LGSN: variants seen among roughly 807,000 people sequenced by gnomAD.
LGSN encodes lengsin.
In LGSN, 21 loss-of-function variants were observed where a neutral mutation model predicts 19.5. The ratio of observed to expected loss-of-function variants is 1.07; its 90% CI spans 0.76 to 1.55. The LOEUF (loss-of-function observed/expected upper bound fraction) is 1.55, where lower values mean the gene tolerates loss of function less well. LGSN is among the 40% of genes most tolerant of loss of function. LGSN has a pLI of 0.00. For synonymous variants in LGSN, 257 were observed against 215.6 expected (o/e 1.19, Z -1.68); for missense variants, 673 against 608.5 (o/e 1.11, Z -1.12).
At chr6:63,519,102 G>C in the LGSN span, among the ~76,000 whole-genome samples, 3 of 152,196 alleles carry the variant, frequency 2.0e-5, no homozygotes, top group Non-Finnish European at 4.4e-5. Flanking sequence ...ATCGCCTGAA[G>C]TTCAAGACCA....
At chr6:63,418,873 G>C in the LGSN span, among the ~76,000 whole-genome samples, 1 of 152,110 alleles carries the variant, frequency 6.6e-6, no homozygotes, top group African/African-American at 2.4e-5. Flanking sequence ...AAAAAGCTGT[G>C]CCCCACCCCC....
At chr6:63,489,351 G>T in the LGSN span, among the ~76,000 whole-genome samples, 1 of 152,212 alleles carries the variant, frequency 6.6e-6, no homozygotes, top group South Asian at 2.1e-4. Context: ...AAAGCTACTT[G>T]TCTGTATTTT....
At chr6:63,358,875 T>C in the LGSN span, among the ~76,000 whole-genome samples, 3 of 152,170 alleles carry the variant, frequency 2.0e-5, no homozygotes, top group African/African-American at 7.2e-5. Flanking sequence ...CTATGTTGAA[T>C]AGGAGTAGTG....
At chr6:63,368,051 T>C in the LGSN span, among the ~76,000 whole-genome samples, 1 of 149,902 alleles carries the variant, frequency 6.7e-6, no homozygotes, top group African/African-American at 2.5e-5. Context: ...GTAATAAACC[T>C]GCACATTGTG....
the LGSN span, among the ~76,000 whole-genome samples, chr6:63,344,210 A>T: frequency 1.3e-5 from 2 of 152,230 alleles, no homozygotes; most frequent in South Asian, 2.1e-4. Flanking sequence ...CTTGTTACAC[A>T]GTAGTAGAAA....
chr6:63,456,651 C>T, the LGSN span, among the ~76,000 whole-genome samples: 1 of 152,046 alleles, frequency 6.6e-6, no homozygotes, highest in Non-Finnish European at 1.5e-5. Context: ...ATAGAGCCTC[C>T]TCATTCTGCA....
At chr6:63,393,489 T>C in the LGSN span, among the ~76,000 whole-genome samples, 1 of 152,158 alleles carries the variant, frequency 6.6e-6, no homozygotes, top group Non-Finnish European at 1.5e-5. Context: ...CATCTTCCCT[T>C]CTTCTGTACA....
chr6:63,329,216 T>G, the LGSN span, among the ~76,000 whole-genome samples: 1 of 152,142 alleles, frequency 6.6e-6, no homozygotes, highest in African/African-American at 2.4e-5. Context: ...ACCAAACAGA[T>G]GAGGGCTATC....
At chr6:63,343,899 A>C in the LGSN span, among the ~76,000 whole-genome samples, 3 of 152,176 alleles carry the variant, frequency 2.0e-5, no homozygotes, top group African/African-American at 7.2e-5. Flanking sequence ...TGCTGGCTTG[A>C]AGACAGAGGA....
intron 2 of LGSN, 137 bp from the exon 3 acceptor site, chr6:63,285,890 G>C: frequency 1.5e-6 from 1 of 673,392 alleles, no homozygotes. Flanking sequence ...CTTAGAGTTG[G>C]ATATCTTACC....
In LGSN at chr6:63,301,355, T is replaced by C. The variant is rs373885434; in HGVS notation, c.31-6310A>G. Among the ~76,000 whole-genome samples the C allele has an allele frequency of 9.2e-5, 14 of 152,254 alleles. 2 individuals carry two copies. Among genetic ancestry groups the C allele is most frequent in the Admixed American group, 5.9e-4 (9 of 15,288 alleles). On this transcript the variant is annotated intron_variant, in intron 1 of 3. Transcript: ENST00000370657. ...AAAGTGTACAAGAAAAGCAAGATTG[T>C]TTTTGATGAGAAAATTAAAATGTGT... is the stretch of plus-strand genomic sequence containing the variant.
chr6:63,432,607 G>A, the LGSN span, among the ~76,000 whole-genome samples: 6 of 151,830 alleles, frequency 4.0e-5, no homozygotes, highest in East Asian at 1.2e-3. Context: ...CAGGAGAATG[G>A]CATGAACCCG....
the LGSN span, among the ~76,000 whole-genome samples, chr6:63,479,115 T>C: frequency 1.3e-5 from 2 of 152,210 alleles, no homozygotes; most frequent in African/African-American, 4.8e-5. Flanking sequence ...CTTAACTGGT[T>C]AGATTAGACA....
chr6:63,513,830 A>G, the LGSN span, among the ~76,000 whole-genome samples: 14 of 150,888 alleles, frequency 9.3e-5, no homozygotes, highest in South Asian at 2.1e-4. Context: ...AGAATTGCTT[A>G]AACCTAGGAG....
At chr6:63,376,203 A>C in the LGSN span, among the ~76,000 whole-genome samples, 1 of 152,224 alleles carries the variant, frequency 6.6e-6, no homozygotes, top group Non-Finnish European at 1.5e-5. Flanking sequence ...AACCATTCCT[A>C]CACTCTTCAA....
At chr6:63,365,228 G>C in the LGSN span, among the ~76,000 whole-genome samples, 1 of 152,058 alleles carries the variant, frequency 6.6e-6, no homozygotes, top group Non-Finnish European at 1.5e-5. Flanking sequence ...GAATCAAATA[G>C]ACACAATAAA....
chr6:63,528,729 C>T, the LGSN span, among the ~76,000 whole-genome samples: 1 of 152,170 alleles, frequency 6.6e-6, no homozygotes, highest in Non-Finnish European at 1.5e-5. Flanking sequence ...CACCACTGTA[C>T]TCCAGCCTGG....
At chr6:63,355,913 A>G in the LGSN span, among the ~76,000 whole-genome samples, 2 of 152,136 alleles carry the variant, frequency 1.3e-5, no homozygotes, top group Admixed American at 1.3e-4. Context: ...TCCTGACCTC[A>G]GGTGACCCAC....
At chr6:63,311,707 A>G (rs1307580702) in intron 1 of LGSN, among the ~76,000 whole-genome samples, 1 of 152,192 alleles carries the variant, frequency 6.6e-6, no homozygotes, top group Non-Finnish European at 1.5e-5. Context: ...ATTAGCATGA[A>G]TTTACTTTGG....
Sources: allele counts gnomAD v4.1 joint callset (sites outside exome capture counted in the v4.1 genomes callset), GRCh38; gene constraint gnomAD v4.1.1; transcripts MANE v1.5; gene names NCBI Gene and HGNC (gene_info 2026-07-23, HGNC 2026-07-21).